Variants in EVC observed in about 807,000 individuals in gnomAD.
EVC encodes the protein EvC ciliary complex subunit 1.
In EVC, 116 loss-of-function variants were observed where a neutral mutation model predicts 118.9. The ratio of observed to expected loss-of-function variants is 0.98; its 90% CI spans 0.84 to 1.14. The LOEUF (loss-of-function observed/expected upper bound fraction) is 1.14. Among genes scored for constraint, EVC ranks in the 50% most tolerant of loss-of-function variants. The pLI is 0.00. For missense variants in EVC, 1,401 were observed against 1,246.4 expected, an observed-to-expected ratio of 1.12 and a Z score of -1.87; for synonymous variants, 619 against 534.7, an observed-to-expected ratio of 1.16 and a Z score of -2.18.
intron 11 of EVC, among the ~76,000 whole-genome samples, chr4:5,774,650 G>A (rs1734458362): frequency 6.6e-6 from 1 of 152,106 alleles, no homozygotes; most frequent in Non-Finnish European, 1.5e-5. Context: ...ACAGCTGAGT[G>A]AAGGAGCAAG....
At chr4:5,722,015 C>T (rs1725035579) in intron 2 of EVC, among the ~76,000 whole-genome samples, 1 of 152,044 alleles carries the variant, frequency 6.6e-6, no homozygotes, top group African/African-American at 2.4e-5. Flanking sequence ...CATAGGGTAC[C>T]CTTGAATGTG....
At chr4:5,711,610 G>T in intron 1 of EVC, 56 bp downstream of exon 1, 1 of 1,136,990 alleles carries the variant, frequency 8.8e-7, no homozygotes, top group Non-Finnish European at 1.1e-6. Context: ...CGTGGCTTCT[G>T]GGTCCTGCGG....
At chr4:5,808,495 G>A (rs2152388479) in intron 18 of EVC, among the ~76,000 whole-genome samples, 168 bp downstream of exon 18, 1 of 152,334 alleles carries the variant, frequency 6.6e-6, no homozygotes, top group Non-Finnish European at 1.5e-5. Flanking sequence ...CCTCGCCTTA[G>A]GACCCTGAGC....
At chr4:5,753,642 A>T in intron 9 of EVC, 143 bp from the exon 10 acceptor site, 1 of 1,066,888 alleles carries the variant, frequency 9.4e-7, no homozygotes, top group Non-Finnish European at 1.5e-6. Flanking sequence ...AGAAAAACCC[A>T]GGTGTGTCAC....
chr4:5,757,987 G>T, intron 11 of EVC: 1 of 674,486 alleles, frequency 1.5e-6, no homozygotes, highest in South Asian at 1.6e-5. Context: ...TTGGAAATAA[G>T]GGCTTTGCAG....
the EVC span, among the ~76,000 whole-genome samples, chr4:5,827,360 C>T: frequency 6.6e-6 from 1 of 152,176 alleles, no homozygotes; most frequent in Non-Finnish European, 1.5e-5. Flanking sequence ...GTTTCCACCC[C>T]ATCCCTTGTT....
At chr4:5,736,695 C>T (rs1296076607) in intron 5 of EVC, among the ~76,000 whole-genome samples, 2 of 152,108 alleles carry the variant, frequency 1.3e-5, no homozygotes, top group South Asian at 2.1e-4. Flanking sequence ...TGACCTTTGA[C>T]GTTATGATTG....
chr4:5,806,582 C>T (rs1033977997), intron 17 of EVC, among the ~76,000 whole-genome samples: 1 of 152,072 alleles, frequency 6.6e-6, no homozygotes, highest in Non-Finnish European at 1.5e-5. Context: ...TTTTCCTTAT[C>T]CAGTCCTCCA....
At chr4:5,732,947 C>T (rs1233690644) in intron 4 of EVC, among the ~76,000 whole-genome samples, 1 of 152,210 alleles carries the variant, frequency 6.6e-6, no homozygotes, top group Non-Finnish European at 1.5e-5. Flanking sequence ...GAGGTGGAGG[C>T]TGCAGTAAGC....
In EVC at chr4:5,796,970, G is replaced by A; in HGVS notation, c.1887-52G>A. The A allele has an allele frequency of 8.7e-6, 12 of 1,377,644 alleles. No individual in the cohort carries two copies. The South Asian group carries it at 1.0e-4, about 12-fold the overall frequency. The allele number at this position is 1,377,644 out of a possible 1,614,324, so 85.3% of individuals were successfully genotyped here. On this transcript the variant is annotated intron_variant, in intron 13 of 20. Transcript: ENST00000264956. ...TGGCTGTTTGGGGAGCTTGTCACTG[G>A]CTTCGTGAAGCCAAGAGCATTGACC...
chr4:5,821,473 A>G, the EVC span: 98 of 443,486 alleles, frequency 2.2e-4, no homozygotes, highest in African/African-American at 1.8e-3. This position sits in a 1 kb window ranked among gnomAD's most constrained non-coding sequence, Gnocchi z 4.4. Flanking sequence ...AGTGGAAGGG[A>G]CAGAACAAGA....
At chr4:5,828,699 G>A in the EVC span, 3 of 1,605,858 alleles carry the variant, frequency 1.9e-6, no homozygotes, top group Non-Finnish European at 2.6e-6. Flanking sequence ...TTACTTCCCA[G>A]GATTTGCTCT....
chr4:5,794,295 A>T (rs866203885), intron 13 of EVC, among the ~76,000 whole-genome samples: 8 of 134,772 alleles, frequency 5.9e-5, no homozygotes, highest in African/African-American at 8.5e-5. Context: ...ATATTTTTAT[A>T]TATTTATATT....
At position 5,795,268 on chromosome 4, in the gene EVC, G is replaced by A. The variant is rs185677234; in HGVS notation, c.1886+1551G>A. On this transcript the variant is annotated intron_variant, in intron 13 of 20. Coordinates refer to ENST00000264956, the MANE Select transcript of EVC (RefSeq NM_153717.3). ...CAGGTATCAATATAACTATTTTTTA[G>A]TTGCCCAGCCCTTTGCAGAAAACAA... 3.3e-5 allele frequency among the ~76,000 whole-genome samples: 5 copies of A among 152,096 alleles called. No homozygotes were observed. The East Asian group carries it at 9.6e-4, about 29-fold the overall frequency.
rs1472249607 is a variant in EVC, at chr4:5,748,587, T to TCCAC, written c.1098+284_1098+285insCCCA. On this transcript the variant is annotated intron_variant, in intron 8 of 20. Coordinates refer to ENST00000264956, the MANE Select transcript of EVC (RefSeq NM_153717.3). Reference sequence around the variant, plus strand: ...ATTTATCCATCCATCCATCCACCCATCCATCCATCCATCCACCCATCCATC... The same window carrying TCCAC: ...ATTTATCCATCCATCCATCCACCCATCCACCCATCCATCCATCCACCCATCCATC... Among the ~76,000 whole-genome samples the TCCAC allele has an allele frequency of 2.2e-3, 281 of 127,546 alleles. 17 individuals carry two copies. The highest frequency in any genetic ancestry group is 7.6e-3 in the African/African-American group (255 of 33,484). 83.7% of individuals were successfully genotyped at this position (127,546 alleles called of 152,430 possible). A position where few individuals can be genotyped will look rare whatever the true frequency, so the allele number is the denominator to read the frequency against.
intron 11 of EVC, among the ~76,000 whole-genome samples, chr4:5,763,284 T>C (rs1732353052): frequency 6.8e-6 from 1 of 147,452 alleles, no homozygotes; most frequent in African/African-American, 2.6e-5. Context: ...ACAATTACCA[T>C]GCTGTTTTGG....
Position 5,811,076 on chromosome 4 carries a change from G to A in EVC, c.*39G>A, listed in dbSNP as rs771139988. 1.3e-6 allele frequency: 2 copies of A among 1,551,448 alleles called. No individual in the cohort carries two copies. The highest frequency in any genetic ancestry group is 1.8e-5 in the Admixed American group (1 of 56,758). On this transcript the variant is annotated 3_prime_UTR_variant, in exon 21 of 21. Coordinates refer to ENST00000264956, the MANE Select transcript of EVC (RefSeq NM_153717.3). ...GGTGGGACAAGACCTGAAGCCCTGG[G>A]TCTGGGTGTGAATTCCACCTTCCCT...
Position 5,797,154 on chromosome 4 carries a change from G to A in EVC, c.2019G>A (p.Glu673=). Residue 673 remains glutamate, a synonymous_variant, in exon 14 of 21, where the codon GAG becomes GAA. Transcript: ENST00000264956. Reference sequence around the variant, plus strand: ...CGGGGAAGAAGCACCTCCTGCAGGAGCTGCGGGAACAGCGTGCACTGGAGC... The same window carrying A: ...CGGGGAAGAAGCACCTCCTGCAGGAACTGCGGGAACAGCGTGCACTGGAGC... ...RLSGKKHLLQ[E]LREQRALEQG... 1.2e-6 allele frequency: 2 copies of A among 1,613,604 alleles called. No individual in the cohort carries two copies. The highest frequency in any genetic ancestry group is 1.7e-6 in the Non-Finnish European group (2 of 1,180,002).
rs996644906 is a variant in EVC, at chr4:5,756,444, C to A, written c.1563+82C>A. On this transcript the variant is annotated intron_variant, in intron 11 of 20. Transcript: ENST00000264956. The surrounding 1 kb of genome is among the most constrained non-coding windows in gnomAD (Gnocchi z 4.2). ...AACCTCACATCCTCCTGGCTGGGGA[C>A]CCCAGAGGTGGTTCAGGTCCAACCC... is the stretch of plus-strand genomic sequence containing the variant. 3 of 1,253,866 alleles carry A rather than the reference C, an allele frequency of 2.4e-6. No individual in the cohort carries two copies. Among genetic ancestry groups the A allele is most frequent in the South Asian group, 1.3e-5 (1 of 78,168 alleles). 77.7% of individuals were successfully genotyped at this position (1,253,866 alleles called of 1,614,324 possible). A position where few individuals can be genotyped will look rare whatever the true frequency, so the allele number is the denominator to read the frequency against.
Sources: allele counts gnomAD v4.1 joint callset (sites outside exome capture counted in the v4.1 genomes callset), GRCh38; gene constraint gnomAD v4.1.1; non-coding constraint Gnocchi (gnomAD v3.1); transcripts MANE v1.5; gene names NCBI Gene and HGNC (gene_info 2026-07-23, HGNC 2026-07-21).